The following RSRP1 variants were observed in gnomAD, a reference collection of about 807,000 sequenced individuals.
RSRP1 encodes the protein arginine and serine rich protein 1.
Under a neutral mutation model 33.0 loss-of-function variants are expected in RSRP1, and 37 were observed. That is an observed-to-expected ratio of 1.12 (90% CI 0.86 to 1.48). RSRP1 has a LOEUF of 1.48. Ranked by LOEUF, RSRP1 falls within the 40% of genes most tolerant of loss-of-function variation. The probability of loss-of-function intolerance (pLI) is 0.00; values close to 1 mark genes in which losing one functional copy is unlikely to be tolerated. For missense variants in RSRP1, 402 were observed against 385.3 expected (o/e 1.04, Z -0.36); for synonymous variants, 167 against 158.7 (o/e 1.05, Z -0.40).
chr1:25,286,073 A>G lies in RSRP1; in HGVS notation c.-66-39044T>C, dbSNP rs1489043359. On this transcript the variant is annotated intron_variant, in intron 1 of 1. Transcript: ENST00000561867. ...AGGGCCACACAGCTAAGTGGTGGAG[A>G]TGGCTCCAACTTTTTATTATAACCT... Among the ~76,000 whole-genome samples, 2 of 135,456 alleles carry G rather than the reference A, an allele frequency of 1.5e-5. 1 individual carries two copies. Among genetic ancestry groups the G allele is most frequent in the African/African-American group, 5.1e-5 (2 of 39,256 alleles). The allele number at this position is 135,456 out of a possible 152,430, so 88.9% of individuals were successfully genotyped here.
In RSRP1 at chr1:25,246,771, G is replaced by C. The variant is rs201090487; in HGVS notation, c.193C>G (p.Arg65Gly). The C allele has an allele frequency of 1.6e-4, 260 of 1,611,324 alleles. No individual in the cohort carries two copies. The highest frequency in any genetic ancestry group is 7.3e-4 in the Admixed American group (44 of 59,962). Residue 65 changes from arginine to glycine, a missense_variant, in exon 2 of 5, where the codon CGT becomes GGT. Coordinates refer to ENST00000243189, the MANE Select transcript of RSRP1 (RefSeq NM_020317.5). ...TTCCGCTGGTGGCGCCTTCGGGAACGGGACCTGGACTTGCTCCTCCGACTC... is the reference window on the plus strand; with the variant it reads ...TTCCGCTGGTGGCGCCTTCGGGAACCGGACCTGGACTTGCTCCTCCGACTC... ...SRSRRSKSRS[R>G]SRRRHQRKYR...
At position 25,315,766 on chromosome 1, in the gene RSRP1, G is replaced by C. The variant is rs1425743378; in HGVS notation, c.-67+22212C>G. Among the ~76,000 whole-genome samples, 2 of 130,412 alleles carry C rather than the reference G, an allele frequency of 1.5e-5. 1 individual carries two copies. The highest frequency in any genetic ancestry group is 3.6e-5 in the Non-Finnish European group (2 of 55,414). 85.6% of individuals were successfully genotyped at this position (130,412 alleles called of 152,430 possible). ...CCGCCTCGGCCTCCCAAAGTGTGGG[G>C]ATTACAGGTGTGAGCCACCACACCC... On this transcript the variant is annotated intron_variant, in intron 1 of 1. Coordinates refer to the RSRP1 transcript ENST00000561867.
At chr1:25,323,467 T>G (rs1416751035) in intron 1 of RSRP1, among the ~76,000 whole-genome samples, 10 of 120,604 alleles carry the variant, frequency 8.3e-5, no homozygotes, top group African/African-American at 2.9e-4. Flanking sequence ...TTTCTGTAAT[T>G]TTTTTGTTTG....
rs771256115 is a variant in RSRP1 at position 25,301,043 on chromosome 1, C to T, written c.-67+36935G>A. On this transcript the variant is annotated intron_variant, in intron 1 of 1. Transcript: ENST00000561867. ...CTGCCAAAGCCTCTACCCGAGGGAA[C>T]GGAGGATAAAGATCAGACAGCAACG... The T allele has an allele frequency of 9.4e-6, 13 of 1,376,914 alleles. 4 individuals carry two copies. The highest frequency in any genetic ancestry group is 4.7e-5 in the South Asian group (4 of 84,856). 85.3% of individuals were successfully genotyped at this position (1,376,914 alleles called of 1,614,324 possible). A position where few individuals can be genotyped will look rare whatever the true frequency, so the allele number is the denominator to read the frequency against.
intron 4 of RSRP1, 29 bp downstream of exon 4, chr1:25,243,521 T>C (rs755725992): frequency 6.2e-7 from 1 of 1,606,726 alleles, no homozygotes; most frequent in South Asian, 1.1e-5. Context: ...AATCCAATTT[T>C]TGAGTGTTCA....
intron 1 of RSRP1, among the ~76,000 whole-genome samples, chr1:25,307,271 C>T (rs658452): frequency 0.011 from 1,450 of 131,530 alleles, 231 homozygotes; most frequent in African/African-American, 0.036. Context: ...GGTCTCACTG[C>T]GAGGTGGGAA....
Position 25,259,184 on chromosome 1 carries a change from C to A in RSRP1, c.-66-12155G>T, listed in dbSNP as rs528163331. Reference sequence around the variant, plus strand: ...TCTTGGCTCACTGCAACCTCTGCCTCCTGGGTTCAAGCGAATCTCCTGCCT... The same window carrying A: ...TCTTGGCTCACTGCAACCTCTGCCTACTGGGTTCAAGCGAATCTCCTGCCT... On this transcript the variant is annotated intron_variant, in intron 1 of 1. Coordinates refer to the RSRP1 transcript ENST00000561867. Among the ~76,000 whole-genome samples the A allele has an allele frequency of 3.9e-5, 6 of 152,130 alleles. No individual in the cohort carries two copies. In the South Asian group the frequency reaches 1.2e-3, roughly 32 times the overall value.
At position 25,245,208 on chromosome 1, in the gene RSRP1, G is replaced by T. The variant is rs200764024; in HGVS notation, c.614C>A (p.Pro205His). 15 of 1,613,928 alleles carry T rather than the reference G, an allele frequency of 9.3e-6. No homozygotes were observed. The highest frequency in any genetic ancestry group is 1.2e-5 in the Non-Finnish European group (14 of 1,180,026). Residue 205 changes from proline to histidine, a missense_variant, in exon 3 of 5, where the codon CCT (proline) becomes CAT (histidine). Transcript: ENST00000243189. ...TCCACGGCTTGTTTCTTTGGCTGAA[G>T]GAACAGTTCTGAGACTAGCTGGCAA... ...IDLPASLRTV[P>H]SAKETSRGIG... is the part of the protein sequence containing the mutation.
intron 1 of RSRP1, among the ~76,000 whole-genome samples, chr1:25,298,602 C>G (rs553025760): frequency 1.5e-5 from 2 of 131,570 alleles, no homozygotes; most frequent in African/African-American, 5.2e-5. Flanking sequence ...AACACAAGCC[C>G]GCTTTTCAGT....
rs566004732 is a variant in RSRP1, at chr1:25,271,578, C to G, written c.-66-24549G>C. Among the ~76,000 whole-genome samples, 123 of 132,678 alleles carry G rather than the reference C, an allele frequency of 9.3e-4. 20 individuals carry two copies. Among genetic ancestry groups the G allele is most frequent in the African/African-American group, 3.2e-3 (123 of 39,000 alleles). 87.0% of individuals were successfully genotyped at this position (132,678 alleles called of 152,430 possible). A position where few individuals can be genotyped will look rare whatever the true frequency, so the allele number is the denominator to read the frequency against. ...CATCTCTTCCTCCCTCTCTACATCC[C>G]TCTCTCTCTTCCTTCCTTCCTCGAC... On this transcript the variant is annotated intron_variant, in intron 1 of 1. Transcript: ENST00000561867.
In RSRP1 at chr1:25,329,331, A is replaced by G. The variant is rs181063822; in HGVS notation, c.-67+8647T>C. 232 of 365,190 alleles carry G rather than the reference A, an allele frequency of 6.4e-4. 29 individuals are homozygous for G. Among genetic ancestry groups the G allele is most frequent in the African/African-American group, 4.4e-3 (172 of 38,766 alleles). 22.6% of individuals were successfully genotyped at this position (365,190 alleles called of 1,614,324 possible). A position where few individuals can be genotyped will look rare whatever the true frequency, so the allele number is the denominator to read the frequency against. Reference sequence around the variant, plus strand: ...ACCATCTTGGCTCACTGCAACCTCTACCTCCTGGGTTCAAGCAAATCTCCT... The same window carrying G: ...ACCATCTTGGCTCACTGCAACCTCTGCCTCCTGGGTTCAAGCAAATCTCCT... On this transcript the variant is annotated intron_variant, in intron 1 of 1. Transcript: ENST00000561867.
rs1471181755 is a variant in RSRP1 at position 25,288,269 on chromosome 1, C to T, written c.-66-41240G>A. Among the ~76,000 whole-genome samples the T allele has an allele frequency of 3.1e-5, 4 of 130,706 alleles. 1 individual carries two copies. Among genetic ancestry groups the T allele is most frequent in the Non-Finnish European group, 5.4e-5 (3 of 55,370 alleles). 85.7% of individuals were successfully genotyped at this position (130,706 alleles called of 152,430 possible). ...CTGGGCTCAAGTGATCTGCCCACCTCGGCTCTGAAAAGTACTGGAATTACA... is the reference window on the plus strand; with the variant it reads ...CTGGGCTCAAGTGATCTGCCCACCTTGGCTCTGAAAAGTACTGGAATTACA... On this transcript the variant is annotated intron_variant, in intron 1 of 1. Transcript: ENST00000561867.
At chr1:25,298,021 G>A (rs1399505456) in intron 1 of RSRP1, among the ~76,000 whole-genome samples, 2 of 125,648 alleles carry the variant, frequency 1.6e-5, no homozygotes, top group Non-Finnish European at 3.7e-5. Context: ...AGCGAAAAAC[G>A]TGTCCCCTCC....
At position 25,333,448 on chromosome 1, in the gene RSRP1, G is replaced by A. The variant is rs1285314246; in HGVS notation, c.-67+4530C>T. ...AATGAAGTGAAGAAGTGAGCCATGT[G>A]GGTATGGGGAATACAACTTCCAGGT... On this transcript the variant is annotated intron_variant, in intron 1 of 1. Transcript: ENST00000561867. Among the ~76,000 whole-genome samples, 29 of 129,684 alleles carry A rather than the reference G, an allele frequency of 2.2e-4. 6 individuals are homozygous for A. The highest frequency in any genetic ancestry group is 1.9e-3 in the Admixed American group (25 of 13,446). The allele number at this position is 129,684 out of a possible 152,430, so 85.1% of individuals were successfully genotyped here. A position where few individuals can be genotyped will look rare whatever the true frequency, so the allele number is the denominator to read the frequency against.
Position 25,242,365 on chromosome 1 carries a change from G to C in RSRP1, c.*224C>G, listed in dbSNP as rs930703913. On this transcript the variant is annotated 3_prime_UTR_variant, in exon 5 of 5. Coordinates refer to ENST00000243189, the MANE Select transcript of RSRP1 (RefSeq NM_020317.5). ...ACAATATTTACAACTATATACAAAA[G>C]ACTCCCACCTGTGCATAACCTTTGG... 5.8e-6 allele frequency: 2 copies of C among 346,514 alleles called. No homozygotes were observed. Among genetic ancestry groups the C allele is most frequent in the Non-Finnish European group, 1.1e-5 (2 of 190,442 alleles). 21.5% of individuals were successfully genotyped at this position (346,514 alleles called of 1,614,324 possible). A position where few individuals can be genotyped will look rare whatever the true frequency, so the allele number is the denominator to read the frequency against.
At chr1:25,247,669 C>T (rs951198062), upstream of RSRP1, 1 of 152,264 alleles carries the variant, frequency 6.6e-6, no homozygotes, top group African/African-American at 2.4e-5. Flanking sequence ...CAGGGTGTCC[C>T]GTTGCCCTTG....
rs1414264008 is a variant in RSRP1 at position 25,274,874 on chromosome 1, G to C, written c.-66-27845C>G. Among the ~76,000 whole-genome samples, 59 of 131,502 alleles carry C rather than the reference G, an allele frequency of 4.5e-4. 9 individuals carry two copies. Among genetic ancestry groups the C allele is most frequent in the African/African-American group, 1.5e-3 (58 of 38,562 alleles). The allele number at this position is 131,502 out of a possible 152,430, so 86.3% of individuals were successfully genotyped here. A position where few individuals can be genotyped will look rare whatever the true frequency, so the allele number is the denominator to read the frequency against. ...TTATAAAAACTGGCTGGGTGTGGTG[G>C]CACACGTCTATAATCCGAGCTACTT... On this transcript the variant is annotated intron_variant, in intron 1 of 1. Coordinates refer to the RSRP1 transcript ENST00000561867.
chr1:25,247,272 C>A (rs1024554858), intron 1 of RSRP1, 37 bp downstream of exon 1: 60 of 352,790 alleles, frequency 1.7e-4, no homozygotes, highest in Non-Finnish European at 2.9e-4. Context: ...GAGACCACTG[C>A]GGTGGTCCTG....
chr1:25,312,953 A>AAAAAAAAAAAAAAAAT (rs1644243177), intron 1 of RSRP1, among the ~76,000 whole-genome samples: 1 of 110,972 alleles, frequency 9.0e-6, no homozygotes, highest in Non-Finnish European at 2.1e-5. Context: ...AAAAAAAAAA[A>AAAAAAAAAAAAAAAAT]AACTTTAGTG....
Sources: gnomAD v4.1 joint callset for allele counts (sites outside exome capture counted in the v4.1 genomes callset) on GRCh38, gnomAD v4.1.1 for gene constraint, MANE v1.5 for transcripts, NCBI Gene and HGNC (gene_info 2026-07-23, HGNC 2026-07-21) for gene names.